The following GALNT13 variants were observed in gnomAD, a reference collection of about 807,000 sequenced individuals.
GALNT13 encodes polypeptide N-acetylgalactosaminyltransferase 13, also known as UDP-GalNAc:polypeptide N-acetylgalactosaminyltransferase 13.
Under a neutral mutation model 64.2 loss-of-function variants are expected in GALNT13, and 28 were observed. The observed-to-expected ratio is 0.44, with a 90% CI of 0.32 to 0.60. GALNT13 has a LOEUF of 0.60. GALNT13 is among the 20% of genes least tolerant of loss of function. GALNT13 has a pLI of 0.05. For synonymous variants in GALNT13, 214 were observed against 224.6 expected (o/e 0.95, Z 0.42); for missense variants, 577 against 669.8 (o/e 0.86, Z 1.53).
At chr2:154,111,582 G>C (rs1702988721) in intron 3 of GALNT13, among the ~76,000 whole-genome samples, 1 of 152,062 alleles carries the variant, frequency 6.6e-6, no homozygotes, top group Non-Finnish European at 1.5e-5. Context: ...AAGACCTCTA[G>C]GCCAGCAAAA....
At chr2:153,127,735 G>A in the GALNT13 span, among the ~76,000 whole-genome samples, 101 of 152,134 alleles carry the variant, frequency 6.6e-4, no homozygotes, top group Middle Eastern at 3.4e-3. Flanking sequence ...GCTTAACTTT[G>A]CCACTTCTTG....
At chr2:154,326,621 T>C (rs966607498) in intron 9 of GALNT13, among the ~76,000 whole-genome samples, 1 of 152,104 alleles carries the variant, frequency 6.6e-6, no homozygotes, top group African/African-American at 2.4e-5. Flanking sequence ...ATTTTTCCGT[T>C]CCTTTGGAAA....
At chr2:153,258,695 C>T in the GALNT13 span, among the ~76,000 whole-genome samples, 150 of 151,882 alleles carry the variant, frequency 9.9e-4, 1 homozygote, top group African/African-American at 3.5e-3. Context: ...TAAACATTTT[C>T]TTTGTAATTT....
the GALNT13 span, among the ~76,000 whole-genome samples, chr2:153,809,955 T>TG: frequency 6.6e-6 from 1 of 151,994 alleles, no homozygotes; most frequent in East Asian, 1.9e-4. Flanking sequence ...CATTTCTTTG[T>TG]TTTTTGTTTT....
the GALNT13 span, among the ~76,000 whole-genome samples, chr2:153,163,878 C>T: frequency 1.3e-5 from 2 of 151,840 alleles, no homozygotes; most frequent in African/African-American, 2.4e-5. Flanking sequence ...ATTGGCCGGG[C>T]GTGGTGGCGG....
chr2:153,177,617 A>T, the GALNT13 span, among the ~76,000 whole-genome samples: 1 of 152,112 alleles, frequency 6.6e-6, no homozygotes, highest in East Asian at 1.9e-4. Flanking sequence ...ACAAATTATA[A>T]TTGTATATGT....
chr2:153,178,868 T>TG, the GALNT13 span, among the ~76,000 whole-genome samples: 101,391 of 150,200 alleles, frequency 0.68, 34,452 homozygotes, highest in East Asian at 0.84. Flanking sequence ...CCCGAGTAGC[T>TG]GGACCAGAGG....
intron 4 of GALNT13, among the ~76,000 whole-genome samples, chr2:154,239,848 A>T (rs1689387495): frequency 6.6e-6 from 1 of 152,218 alleles, no homozygotes; most frequent in Non-Finnish European, 1.5e-5. Context: ...GTTTTAAAAA[A>T]TAATGAAGAT....
At chr2:154,339,455 C>A (rs971303855) in intron 9 of GALNT13, among the ~76,000 whole-genome samples, 1 of 151,992 alleles carries the variant, frequency 6.6e-6, no homozygotes, top group Admixed American at 6.6e-5. Flanking sequence ...TTAGTACTTG[C>A]CACCCTCTGT....
At chr2:154,445,734 A>G in intron 12 of GALNT13, 2 of 1,004,730 alleles carry the variant, frequency 2.0e-6, no homozygotes, top group Non-Finnish European at 2.7e-6. Flanking sequence ...GCTGCCTGAG[A>G]GAAGTAGCTT....
rs11899339 is a variant in GALNT13, at chr2:154,423,271, G to A, written c.1395+14189G>A. ...CTTTTTTATGGCTGCATGCTATTCC[G>A]TGGTGTATATGTGCCACATTTTCTT... On this transcript the variant is annotated intron_variant, in intron 11 of 12. Coordinates refer to ENST00000392825, the MANE Select transcript of GALNT13 (RefSeq NM_052917.4). 6.9e-3 allele frequency among the ~76,000 whole-genome samples: 1,045 copies of A among 152,092 alleles called. 14 individuals are homozygous for A. Among genetic ancestry groups the A allele is most frequent in the African/African-American group, 0.024 (980 of 41,484 alleles).
At chr2:154,277,861 G>T (rs1287569017) in intron 8 of GALNT13, among the ~76,000 whole-genome samples, 1 of 152,096 alleles carries the variant, frequency 6.6e-6, no homozygotes, top group Admixed American at 6.6e-5. Flanking sequence ...TGGTTACACT[G>T]CAAATATGCC....
chr2:154,354,405 C>CTTTTTTTTT (rs546187850), intron 9 of GALNT13, among the ~76,000 whole-genome samples: 2 of 60,400 alleles, frequency 3.3e-5, no homozygotes, highest in African/African-American at 1.4e-4. Context: ...TGATGTAGTC[C>CTTTTTTTTT]TTTTTTTTTT....
At chr2:153,297,778 T>C in the GALNT13 span, among the ~76,000 whole-genome samples, 1 of 152,216 alleles carries the variant, frequency 6.6e-6, no homozygotes, top group Non-Finnish European at 1.5e-5. Context: ...CAATAGTGGA[T>C]GTGCTGAGTT....
the GALNT13 span, chr2:153,478,506 G>C: frequency 1.2e-6 from 2 of 1,609,138 alleles, no homozygotes; most frequent in Non-Finnish European, 1.7e-6. Flanking sequence ...CCAGCGCCTC[G>C]CTGCTGTTGG....
the GALNT13 span, among the ~76,000 whole-genome samples, chr2:153,293,734 A>G: frequency 6.6e-6 from 1 of 151,670 alleles, no homozygotes; most frequent in Non-Finnish European, 1.5e-5. Context: ...GTAACTGACA[A>G]AGATTAACAT....
chr2:154,005,334 A>G (rs1023531810), intron 3 of GALNT13, among the ~76,000 whole-genome samples: 3 of 152,072 alleles, frequency 2.0e-5, no homozygotes, highest in Non-Finnish European at 4.4e-5. Context: ...TTTGTTGCGA[A>G]TTTTATTTTC....
chr2:154,243,405 G>GTT (rs1284102621), intron 6 of GALNT13, among the ~76,000 whole-genome samples: 2 of 151,884 alleles, frequency 1.3e-5, no homozygotes, highest in South Asian at 4.2e-4. Context: ...AGTCAGTCTA[G>GTT]TTCAAATCCA....
At chr2:154,077,223 T>C (rs1410602039) in intron 3 of GALNT13, among the ~76,000 whole-genome samples, 1 of 151,602 alleles carries the variant, frequency 6.6e-6, no homozygotes, top group Non-Finnish European at 1.5e-5. Context: ...AATTTTAACA[T>C]TGCTTGTTTA....
Sources: gnomAD v4.1 joint callset for allele counts (sites outside exome capture counted in the v4.1 genomes callset) on GRCh38, gnomAD v4.1.1 for gene constraint, MANE v1.5 for transcripts, NCBI Gene and HGNC (gene_info 2026-07-23, HGNC 2026-07-21) for gene names.